Variants in RBFOX1 observed in about 807,000 individuals in gnomAD.
The protein encoded by RBFOX1 is RNA binding protein fox-1 homolog 1.
Under a neutral mutation model 57.7 loss-of-function variants are expected in RBFOX1, and 8 were observed. That is an observed-to-expected ratio of 0.14 (90% CI 0.08 to 0.25). The LOEUF (loss-of-function observed/expected upper bound fraction) is 0.25, where lower values mean the gene tolerates loss of function less well. Among genes scored for constraint, RBFOX1 ranks in the 10% least tolerant of loss-of-function variants. RBFOX1 has a pLI of 1.00. For missense variants in RBFOX1, 611 were observed against 548.5 expected (o/e 1.11, Z -1.14); for synonymous variants, 326 against 222.4 (o/e 1.47, Z -4.15).
chr16:6,699,085 C>G (rs1022552898), intron 3 of RBFOX1, among the ~76,000 whole-genome samples: 4 of 152,136 alleles, frequency 2.6e-5, no homozygotes, highest in African/African-American at 7.2e-5. Flanking sequence ...AAGTGACAAT[C>G]ATAACCAGCA....
At chr16:5,458,752 A>G (rs1457149360) in intron 1 of RBFOX1, among the ~76,000 whole-genome samples, 4 of 152,034 alleles carry the variant, frequency 2.6e-5, no homozygotes, top group Non-Finnish European at 5.9e-5. Context: ...CAAAACTTAA[A>G]CCTATTCATC....
At chr16:6,819,766 T>A (rs2090937452) in intron 3 of RBFOX1, among the ~76,000 whole-genome samples, 2 of 141,532 alleles carry the variant, frequency 1.4e-5, no homozygotes, top group African/African-American at 2.6e-5. Flanking sequence ...ATAACAGGTA[T>A]TAAAATCTAT....
intron 2 of RBFOX1, among the ~76,000 whole-genome samples, chr16:6,417,755 A>T (rs1308556446): frequency 1.5e-5 from 2 of 135,242 alleles, no homozygotes; most frequent in Non-Finnish European, 3.1e-5. Context: ...GGTTTGTTGC[A>T]TAAGTAAGCT....
chr16:5,381,362 G>C (rs2066126225), intron 1 of RBFOX1, among the ~76,000 whole-genome samples: 1 of 152,082 alleles, frequency 6.6e-6, no homozygotes, highest in Non-Finnish European at 1.5e-5. Flanking sequence ...ATTTACTTAG[G>C]GCCAGCTGCT....
At chr16:5,939,369 C>T (rs2059235738) in intron 4 of RBFOX1, among the ~76,000 whole-genome samples, 1 of 152,222 alleles carries the variant, frequency 6.6e-6, no homozygotes, top group Non-Finnish European at 1.5e-5. Context: ...AGAGGGCATT[C>T]TGCCCCAGGG....
chr16:6,342,747 C>A (rs781526641), intron 2 of RBFOX1, among the ~76,000 whole-genome samples: 1 of 152,148 alleles, frequency 6.6e-6, no homozygotes, highest in Non-Finnish European at 1.5e-5. Context: ...CGGTGCGTAT[C>A]TCCAAATTTG....
chr16:6,078,784 C>G (rs969227473), intron 1 of RBFOX1, among the ~76,000 whole-genome samples: 1 of 152,180 alleles, frequency 6.6e-6, no homozygotes, highest in East Asian at 1.9e-4. Context: ...CATCCTTTCC[C>G]TAGTCTTTCA....
At chr16:7,498,500 T>G (rs1164657193) in intron 4 of RBFOX1, among the ~76,000 whole-genome samples, 1 of 152,090 alleles carries the variant, frequency 6.6e-6, no homozygotes, top group Non-Finnish European at 1.5e-5. Flanking sequence ...AAATGCGTGA[T>G]TTTAATTTCA....
At chr16:7,408,113 C>T (rs1335151950) in intron 4 of RBFOX1, among the ~76,000 whole-genome samples, 1 of 152,210 alleles carries the variant, frequency 6.6e-6, no homozygotes, top group African/African-American at 2.4e-5. Context: ...CAGAACACAA[C>T]ACTCTCACAA....
At chr16:6,484,888 G>C (rs944487660) in intron 2 of RBFOX1, among the ~76,000 whole-genome samples, 1 of 152,128 alleles carries the variant, frequency 6.6e-6, no homozygotes, top group Non-Finnish European at 1.5e-5. Flanking sequence ...AAATGAATGC[G>C]GTTTATTGCT....
At position 6,498,260 on chromosome 16, in the gene RBFOX1, A is replaced by C. The variant is rs550121053; in HGVS notation, c.-63-156343A>C. On this transcript the variant is annotated intron_variant, in intron 2 of 15. Coordinates refer to ENST00000550418, the MANE Select transcript of RBFOX1 (RefSeq NM_018723.4). ...GAGAGGAACTCCGTCTCAAAACAAA[A>C]AAAAAAAAAAGGATGACAATTCCAG... Among the ~76,000 whole-genome samples, 229 of 149,586 alleles carry C rather than the reference A, an allele frequency of 1.5e-3. 1 individual carries two copies. The highest frequency in any genetic ancestry group is 4.1e-3 in the African/African-American group (168 of 41,052).
intron 3 of RBFOX1, among the ~76,000 whole-genome samples, chr16:5,622,493 A>C (rs2048227828): frequency 6.6e-6 from 1 of 152,192 alleles, no homozygotes; most frequent in African/African-American, 2.4e-5. Context: ...AGGTCATCGG[A>C]GATCTTCGTT....
chr16:6,049,101 C>T (rs574909904), intron 1 of RBFOX1, among the ~76,000 whole-genome samples: 3 of 132,130 alleles, frequency 2.3e-5, no homozygotes, highest in South Asian at 2.5e-4. Context: ...CTCACTCTGT[C>T]GCCCAGGCTG....
chr16:6,688,304 G>C (rs1568220730), intron 3 of RBFOX1, among the ~76,000 whole-genome samples: 1 of 152,082 alleles, frequency 6.6e-6, no homozygotes. Flanking sequence ...TCATGAGACA[G>C]CACTAGGGAG....
chr16:5,342,985 G>C lies in RBFOX1; in HGVS notation c.219+102880G>C, dbSNP rs75343968. On this transcript the variant is annotated intron_variant, in intron 1 of 2. Transcript: ENST00000585867. Reference sequence around the variant, plus strand: ...TTCTCTTCTATTACTCCAGTGATCGGTTCAGGGTTGGGCATACCACCCAAG... The same window carrying C: ...TTCTCTTCTATTACTCCAGTGATCGCTTCAGGGTTGGGCATACCACCCAAG... Among the ~76,000 whole-genome samples the C allele has an allele frequency of 6.6e-3, 1,009 of 152,202 alleles. 5 individuals carry two copies. Among genetic ancestry groups the C allele is most frequent in the African/African-American group, 0.023 (963 of 41,512 alleles).
At chr16:7,440,922 C>G (rs1279425668) in intron 4 of RBFOX1, among the ~76,000 whole-genome samples, 1 of 152,098 alleles carries the variant, frequency 6.6e-6, no homozygotes, top group Non-Finnish European at 1.5e-5. Flanking sequence ...AAATGTAGTC[C>G]TAGCTGCTTT....
intron 1 of RBFOX1, among the ~76,000 whole-genome samples, chr16:5,440,164 G>A (rs2068040647): frequency 2.0e-5 from 3 of 152,158 alleles, no homozygotes; most frequent in Non-Finnish European, 4.4e-5. Context: ...AAACTAAGAA[G>A]CATTGTGCAA....
chr16:6,278,872 T>C (rs2152693161), intron 1 of RBFOX1, among the ~76,000 whole-genome samples: 1 of 152,334 alleles, frequency 6.6e-6, no homozygotes, highest in Admixed American at 6.5e-5. Context: ...TGATCTTAAA[T>C]CTTAAATCGT....
intron 1 of RBFOX1, among the ~76,000 whole-genome samples, chr16:6,314,518 G>A (rs2080829382): frequency 6.6e-6 from 1 of 152,114 alleles, no homozygotes; most frequent in Admixed American, 6.5e-5. Flanking sequence ...GTTCAAATGG[G>A]GCCAGGTGAA....
Sources: gnomAD v4.1 joint callset for allele counts (sites outside exome capture counted in the v4.1 genomes callset) on GRCh38, gnomAD v4.1.1 for gene constraint, MANE v1.5 for transcripts, NCBI Gene and HGNC (gene_info 2026-07-23, HGNC 2026-07-21) for gene names.